PRIMA1: variants seen among roughly 807,000 people sequenced by gnomAD.
PRIMA1 encodes proline rich membrane anchor 1, also known as proline-rich membrane anchor 1.
In PRIMA1, 7 loss-of-function variants were observed where a neutral mutation model predicts 17.5. That is an observed-to-expected ratio of 0.40 (90% CI 0.23 to 0.75). The LOEUF (loss-of-function observed/expected upper bound fraction) is 0.75, where lower values mean the gene tolerates loss of function less well. Among genes scored for constraint, PRIMA1 ranks in the 30% least tolerant of loss-of-function variants. PRIMA1 has a pLI of 0.37. For synonymous variants in PRIMA1, 97 were observed against 77.9 expected, an observed-to-expected ratio of 1.25 and a Z score of -1.29; for missense variants, 200 against 201.8, an observed-to-expected ratio of 0.99 and a Z score of 0.05.
chr14:93,727,613 C>G (rs10438211), intron 4 of PRIMA1, among the ~76,000 whole-genome samples: 22,738 of 152,094 alleles, frequency 0.15, 1,910 homozygotes, highest in East Asian at 0.34. Context: ...CCCTGCCACC[C>G]GCCTCTGTGC....
chr14:93,770,677 A>G (rs1419174906), intron 3 of PRIMA1, among the ~76,000 whole-genome samples: 2 of 151,906 alleles, frequency 1.3e-5, no homozygotes, highest in East Asian at 3.9e-4. Context: ...TTTTCCTGTG[A>G]TAGTTTTGGT....
At chr14:93,778,432 G>A (rs1249659202) in intron 3 of PRIMA1, among the ~76,000 whole-genome samples, 1 of 152,180 alleles carries the variant, frequency 6.6e-6, no homozygotes, top group Non-Finnish European at 1.5e-5. Flanking sequence ...TTTGTGCCAA[G>A]GTTATTGAAA....
chr14:93,722,633 G>A (rs2076047436), intron 4 of PRIMA1, among the ~76,000 whole-genome samples: 1 of 151,946 alleles, frequency 6.6e-6, no homozygotes. Context: ...ATTGGTGGTG[G>A]TGATGGCAGT....
intron 2 of PRIMA1, among the ~76,000 whole-genome samples, chr14:93,786,334 C>T (rs1002747639): frequency 1.3e-5 from 2 of 152,252 alleles, no homozygotes; most frequent in South Asian, 2.1e-4. Context: ...AATTGTGAGA[C>T]GGAGGCAAGC....
At chr14:93,770,863 A>C (rs1025176939) in intron 3 of PRIMA1, among the ~76,000 whole-genome samples, 1 of 152,330 alleles carries the variant, frequency 6.6e-6, no homozygotes, top group Non-Finnish European at 1.5e-5. Context: ...AGGTAAGTGA[A>C]TTAGTAGCTA....
At chr14:93,727,296 G>C (rs2076084525) in intron 4 of PRIMA1, among the ~76,000 whole-genome samples, 1 of 152,204 alleles carries the variant, frequency 6.6e-6, no homozygotes, top group African/African-American at 2.4e-5. Context: ...CGGGGGAGGG[G>C]CTTCTCACAG....
intron 2 of PRIMA1, among the ~76,000 whole-genome samples, chr14:93,782,042 C>T (rs369868173): frequency 3.6e-4 from 54 of 151,992 alleles, no homozygotes; most frequent in African/African-American, 1.2e-3. Flanking sequence ...CCAAGGCAGG[C>T]GGATCACGAG....
intron 3 of PRIMA1, among the ~76,000 whole-genome samples, chr14:93,760,084 G>A (rs1484298124): frequency 2.6e-5 from 4 of 152,268 alleles, no homozygotes; most frequent in Non-Finnish European, 4.4e-5. Context: ...GACAGGAGCA[G>A]ACGGAGAGGC....
chr14:93,778,274 G>A (rs570958938), intron 3 of PRIMA1, among the ~76,000 whole-genome samples: 52 of 152,316 alleles, frequency 3.4e-4, no homozygotes, highest in African/African-American at 1.0e-3. Context: ...AGAAGGAATG[G>A]GCCACAGGGT....
At chr14:93,784,045 A>T (rs1245422889) in intron 2 of PRIMA1, among the ~76,000 whole-genome samples, 2 of 152,172 alleles carry the variant, frequency 1.3e-5, no homozygotes, top group Non-Finnish European at 2.9e-5. Flanking sequence ...CCAGGCCACC[A>T]TCAGGTCTCC....
intron 2 of PRIMA1, among the ~76,000 whole-genome samples, chr14:93,787,236 C>T (rs1382443221): frequency 6.6e-6 from 1 of 152,192 alleles, no homozygotes; most frequent in African/African-American, 2.4e-5. Context: ...GTGTTGAAAA[C>T]CAGTTTAAGA....
Position 93,787,665 on chromosome 14 carries a change from C to A in PRIMA1, c.54G>T (p.Leu18=), listed in dbSNP as rs1312033072. 6.5e-7 allele frequency: 1 copy of A among 1,543,872 alleles called. No individual in the cohort carries two copies. Among genetic ancestry groups the A allele is most frequent in the South Asian group, 1.2e-5 (1 of 84,036 alleles). Residue 18 remains leucine (L), a synonymous_variant, in exon 2 of 5, where the codon CTG becomes CTT. Transcript: ENST00000393140. ...LRRGCCWSSL[L]LHCALHPLWG... is the part of the protein sequence containing the mutation. Reference sequence around the variant, plus strand: ...AGAGCGGGTGGAGCGCGCAGTGCAGCAGCAGCGAGGACCAGCAGCAGCCAC... The same window carrying A: ...AGAGCGGGTGGAGCGCGCAGTGCAGAAGCAGCGAGGACCAGCAGCAGCCAC...
intron 3 of PRIMA1, among the ~76,000 whole-genome samples, chr14:93,745,172 T>C (rs1228296558): frequency 6.6e-6 from 1 of 152,132 alleles, no homozygotes; most frequent in Non-Finnish European, 1.5e-5. Flanking sequence ...CCGGCAGCAC[T>C]GAGCACGTCC....
chr14:93,765,509 T>C (rs1034341764), intron 3 of PRIMA1, among the ~76,000 whole-genome samples: 7 of 150,772 alleles, frequency 4.6e-5, no homozygotes, highest in African/African-American at 1.7e-4. Context: ...TGGACACTAT[T>C]GTAAGCACTG....
intron 3 of PRIMA1, among the ~76,000 whole-genome samples, chr14:93,768,966 C>T (rs79331206): frequency 8.8e-6 from 1 of 113,988 alleles, no homozygotes; most frequent in Non-Finnish European, 1.9e-5. Context: ...CCACCACAAC[C>T]GGCTAAAGAT....
In PRIMA1 at chr14:93,787,762, C is replaced by A; in HGVS notation, c.-31-13G>T. On this transcript the variant is annotated splice_polypyrimidine_tract_variant and intron_variant, in intron 1 of 4. Transcript: ENST00000393140. The stretch of plus-strand genomic sequence containing the variant: ...CTCCTGGGGCGAACTGTCAGGAGAG[C>A]AAGGCTAGGGTCAGGCGGACACCGC... 2 of 1,536,182 alleles carry A rather than the reference C, an allele frequency of 1.3e-6. No individual in the cohort carries two copies. Among genetic ancestry groups the A allele is most frequent in the Non-Finnish European group, 1.7e-6 (2 of 1,144,666 alleles).
intron 3 of PRIMA1, among the ~76,000 whole-genome samples, chr14:93,758,390 A>G (rs1307631847): frequency 5.3e-5 from 8 of 152,268 alleles, no homozygotes; most frequent in African/African-American, 1.9e-4. Flanking sequence ...GTTCAAGACC[A>G]GCCTGGACAA....
intron 3 of PRIMA1, among the ~76,000 whole-genome samples, chr14:93,742,357 C>T (rs967544054): frequency 5.9e-5 from 9 of 152,214 alleles, no homozygotes; most frequent in Non-Finnish European, 1.2e-4. Context: ...AGAGAGTGAA[C>T]AACACAGATG....
chr14:93,732,148 A>G (rs1421525916), intron 4 of PRIMA1, among the ~76,000 whole-genome samples: 1 of 152,228 alleles, frequency 6.6e-6, no homozygotes, highest in African/African-American at 2.4e-5. Context: ...GACCCACGCC[A>G]CAGATGGCCA....
Sources: gnomAD v4.1 joint callset for allele counts (sites outside exome capture counted in the v4.1 genomes callset) on GRCh38, gnomAD v4.1.1 for gene constraint, MANE v1.5 for transcripts, NCBI Gene and HGNC (gene_info 2026-07-23, HGNC 2026-07-21) for gene names.